SF3B1: variants seen among roughly 807,000 people sequenced by gnomAD.
The protein encoded by SF3B1 is pre-mRNA processing 10.
In SF3B1, 12 loss-of-function variants were observed where a neutral mutation model predicts 153.8. That is an observed-to-expected ratio of 0.08 (90% confidence interval 0.05 to 0.13). SF3B1 has a LOEUF of 0.13. Ranked by LOEUF, SF3B1 falls within the 10% of genes least tolerant of loss-of-function variation. The pLI is 1.00. For synonymous variants in SF3B1, 498 were observed against 525.2 expected (o/e 0.95, Z 0.71); for missense variants, 513 against 1,606.1 (o/e 0.32, Z 11.63).
chr2:197,418,798 T>G lies in SF3B1; in HGVS notation c.416-210A>C, dbSNP rs994763368. 6.0e-6 allele frequency: 9 copies of G among 1,489,520 alleles called. No homozygotes were observed. In the African/African-American group the frequency reaches 1.3e-4, roughly 21 times the overall value. The allele number at this position is 1,489,520 out of a possible 1,614,324, so 92.3% of individuals were successfully genotyped here. ...TTGAACACAAACATCTACAGCAGTT[T>G]AAAACAAATATTTTAATGCATATAA... On this transcript the variant is annotated intron_variant, in intron 4 of 24. Transcript: ENST00000335508.
chr2:197,395,566 C>A (rs1307216536), intron 23 of SF3B1, among the ~76,000 whole-genome samples: 2 of 152,316 alleles, frequency 1.3e-5, no homozygotes, highest in East Asian at 3.9e-4. Flanking sequence ...TGTCAAATAA[C>A]TTGAACAGTA....
At chr2:197,410,138 A>C in intron 6 of SF3B1, 131 bp from the exon 7 acceptor site, 1 of 591,874 alleles carries the variant, frequency 1.7e-6, no homozygotes, top group Non-Finnish European at 3.0e-6. Context: ...GTTAGAAGAC[A>C]CTACCTCTAC....
intron 1 of SF3B1, among the ~76,000 whole-genome samples, chr2:197,429,931 T>C (rs1317120139): frequency 6.6e-6 from 1 of 152,108 alleles, no homozygotes. Context: ...GCAGCAGTAA[T>C]GGGAAGGAGG....
At chr2:197,403,999 A>G (rs934014550) in intron 11 of SF3B1, among the ~76,000 whole-genome samples, 9 of 152,356 alleles carry the variant, frequency 5.9e-5, no homozygotes, top group Admixed American at 1.3e-4. Context: ...CCACAGAGGT[A>G]TGTACTAAAT....
In SF3B1 at chr2:197,391,888, A is replaced by G. The variant is rs1472136303; in HGVS notation, c.*415T>C. The G allele has an allele frequency of 5.8e-6, 1 of 172,744 alleles. No individual in the cohort carries two copies. The highest frequency in any genetic ancestry group is 1.3e-5 in the Non-Finnish European group (1 of 79,682). The allele number at this position is 172,744 out of a possible 1,614,324, so 10.7% of individuals were successfully genotyped here. A position where few individuals can be genotyped will look rare whatever the true frequency, so the allele number is the denominator to read the frequency against. ...CTTTCTATAAACCATGTGACAGAAA[A>G]TGAAATTAAGCCACTTATTCCACAT... is the stretch of plus-strand genomic sequence containing the variant. On this transcript the variant is annotated 3_prime_UTR_variant, in exon 25 of 25. Transcript: ENST00000335508.
Position 197,421,068 on chromosome 2 carries a change from A to G in SF3B1, c.261T>C (p.Pro87=). The G allele has an allele frequency of 1.2e-6, 2 of 1,612,860 alleles. No individual in the cohort carries two copies. The highest frequency in any genetic ancestry group is 1.7e-6 in the Non-Finnish European group (2 of 1,179,130). The change falls in exon 3 of 25, where the codon CCT becomes CCC. Residue 87 remains proline (P), a synonymous_variant. Transcript: ENST00000335508. ...GTGGTATATCATTAAGCAATGCCAC[A>G]GGGGCATGATATCCTGGCTTCTTCT... ...LGQKKPGYHA[P]VALLNDIPQS...
chr2:197,401,757 T>C lies in SF3B1; in HGVS notation c.2355A>G (p.Lys785=), dbSNP rs2105984170. ...GAATAATTACCTTCAGCACAATTTTTTTCATTTCCTCATCAGGAGACTGGA... is the reference window on the plus strand; with the variant it reads ...GAATAATTACCTTCAGCACAATTTTCTTCATTTCCTCATCAGGAGACTGGA... ...REFQSPDEEM[K]KIVLKVVKQC... The change falls in exon 16 of 25, where the codon AAA becomes AAG. Residue 785 remains lysine (K), a synonymous_variant. Coordinates refer to ENST00000335508, the MANE Select transcript of SF3B1 (RefSeq NM_012433.4). The surrounding 1 kb of genome is among the most constrained non-coding windows in gnomAD (Gnocchi z 4.2). The C allele has an allele frequency of 1.2e-6, 2 of 1,609,662 alleles. No homozygotes were observed. Among genetic ancestry groups the C allele is most frequent in the Non-Finnish European group, 1.7e-6 (2 of 1,178,812 alleles).
At chr2:197,429,284 A>C (rs959061827) in intron 1 of SF3B1, among the ~76,000 whole-genome samples, 2 of 152,232 alleles carry the variant, frequency 1.3e-5, no homozygotes, top group African/African-American at 4.8e-5. Flanking sequence ...GGCACTCTTT[A>C]ACCCATTTAA....
At chr2:197,429,931 T>TG (rs1309680519) in intron 1 of SF3B1, among the ~76,000 whole-genome samples, 1 of 152,108 alleles carries the variant, frequency 6.6e-6, no homozygotes, top group African/African-American at 2.4e-5. Context: ...GCAGCAGTAA[T>TG]GGGAAGGAGG....
chr2:197,432,263 G>A (rs965369661), intron 1 of SF3B1, among the ~76,000 whole-genome samples: 3 of 152,218 alleles, frequency 2.0e-5, no homozygotes, highest in Non-Finnish European at 4.4e-5. Flanking sequence ...CTAATTCAAA[G>A]GATTAGTGGC....
intron 6 of SF3B1, among the ~76,000 whole-genome samples, chr2:197,414,021 TG>T (rs1054351991): frequency 6.6e-6 from 1 of 152,122 alleles, no homozygotes; most frequent in Admixed American, 6.6e-5. Context: ...TTGGCCAAGC[TG>T]GTCTTGAACG....
chr2:197,394,269 G>C (rs1188421372), intron 23 of SF3B1, among the ~76,000 whole-genome samples: 1 of 152,064 alleles, frequency 6.6e-6, no homozygotes, highest in Non-Finnish European at 1.5e-5. Context: ...AGCTGGTCTT[G>C]AGCTCCTGGG....
chr2:197,418,830 A>T (rs1311696318), intron 4 of SF3B1: 7 of 1,513,350 alleles, frequency 4.6e-6, no homozygotes, highest in East Asian at 2.4e-5. Context: ...ATAAAAACAA[A>T]ATGACAGCAC....
At chr2:197,417,033 G>T (rs765836795) in intron 5 of SF3B1, 122 bp from the exon 6 acceptor site, 2 of 935,538 alleles carry the variant, frequency 2.1e-6, no homozygotes, top group Non-Finnish European at 3.2e-6. Context: ...CTATGTACTG[G>T]TGATCTCCTT....
At chr2:197,398,657 C>T in intron 20 of SF3B1, 76 bp from the exon 21 acceptor site, 1 of 1,304,354 alleles carries the variant, frequency 7.7e-7, no homozygotes, top group Non-Finnish European at 1.1e-6. Context: ...TTAGCAATGT[C>T]ATATATGACT....
At chr2:197,422,683 G>C (rs1317329990) in intron 2 of SF3B1, among the ~76,000 whole-genome samples, 2 of 152,088 alleles carry the variant, frequency 1.3e-5, no homozygotes, top group Non-Finnish European at 2.9e-5. Flanking sequence ...GAGCTCAGGA[G>C]ATCGAGACCA....
Position 197,408,526 on chromosome 2 carries a change from T to G in SF3B1, c.960A>C (p.Gly320=). 6.2e-7 allele frequency: 1 copy of G among 1,613,248 alleles called. No individual in the cohort carries two copies. The part of the protein sequence containing the change: ...WAETPRTDRG[G]DSIGETPTPG... ...GAGTCGGTGTTTCACCAATAGAATC[T>G]CCACCTCGATCTGTTCGAGGAGTCT... The change falls in exon 8 of 25, where the codon GGA becomes GGC. Residue 320 remains glycine, a synonymous_variant. Coordinates refer to ENST00000335508, the MANE Select transcript of SF3B1 (RefSeq NM_012433.4).
intron 11 of SF3B1, among the ~76,000 whole-genome samples, 175 bp from the exon 12 acceptor site, chr2:197,403,939 C>T (rs904729296): frequency 1.3e-5 from 2 of 152,170 alleles, no homozygotes; most frequent in Non-Finnish European, 2.9e-5. Flanking sequence ...ATTTCAATTC[C>T]TGTGATAGAA....
At chr2:197,399,730 C>T (rs112816808) in intron 20 of SF3B1, among the ~76,000 whole-genome samples, 20 of 152,228 alleles carry the variant, frequency 1.3e-4, no homozygotes, top group African/African-American at 4.6e-4. Context: ...CACCCCGCAG[C>T]AGAACATGGC....
Sources: gnomAD v4.1 joint callset for allele counts (sites outside exome capture counted in the v4.1 genomes callset) on GRCh38, gnomAD v4.1.1 for gene constraint, Gnocchi (gnomAD v3.1) non-coding constraint, MANE v1.5 for transcripts, NCBI Gene and HGNC (gene_info 2026-07-23, HGNC 2026-07-21) for gene names.